Variants in PLXNA4 observed in about 807,000 individuals in gnomAD.
The protein encoded by PLXNA4 is plexin A4.
In PLXNA4, 44 loss-of-function variants were observed where a neutral mutation model predicts 191.8. That is an observed-to-expected ratio of 0.23 (90% CI 0.18 to 0.29). PLXNA4 has a LOEUF of 0.29. PLXNA4 is among the 10% of genes least tolerant of loss of function. PLXNA4 has a pLI of 1.00. For missense variants in PLXNA4, 1,800 were observed against 2,488.8 expected, an observed-to-expected ratio of 0.72 and a Z score of 5.89; for synonymous variants, 1,082 against 1,009.5, an observed-to-expected ratio of 1.07 and a Z score of -1.36.
chr7:132,487,033 A>G (rs2117513889), intron 3 of PLXNA4, among the ~76,000 whole-genome samples: 1 of 152,340 alleles, frequency 6.6e-6, no homozygotes, highest in East Asian at 1.9e-4. Context: ...CAAACAGCAC[A>G]AAAATGCAAG....
chr7:132,331,793 G>A (rs1325045844), intron 3 of PLXNA4, among the ~76,000 whole-genome samples: 1 of 152,102 alleles, frequency 6.6e-6, no homozygotes, highest in Non-Finnish European at 1.5e-5. Context: ...CAGAACCAGT[G>A]TGCCCTGTGA....
chr7:132,579,885 T>C (rs1802370432), upstream of PLXNA4, among the ~76,000 whole-genome samples: 1 of 152,142 alleles, frequency 6.6e-6, no homozygotes, highest in African/African-American at 2.4e-5. Context: ...GAGGATTTTT[T>C]TTTTTCAGTG....
intron 20 of PLXNA4, among the ~76,000 whole-genome samples, chr7:132,179,244 A>ACACACACACACACC (rs1345376319): frequency 7.7e-6 from 1 of 129,764 alleles, no homozygotes; most frequent in African/African-American, 3.9e-5. Flanking sequence ...ACACGCGCAC[A>ACACACACACACACC]CAGCCTCCAG....
intron 4 of PLXNA4, among the ~76,000 whole-genome samples, chr7:132,276,893 A>G (rs1046701980): frequency 6.6e-6 from 1 of 152,130 alleles, no homozygotes; most frequent in Non-Finnish European, 1.5e-5. Flanking sequence ...CCAGTGGGTA[A>G]TAGCATTTTC....
At chr7:132,420,513 C>G (rs1391053421) in intron 3 of PLXNA4, among the ~76,000 whole-genome samples, 1 of 152,238 alleles carries the variant, frequency 6.6e-6, no homozygotes, top group Admixed American at 6.5e-5. Context: ...CCACCTGCCC[C>G]ACAGGTGCCT....
intron 2 of PLXNA4, among the ~76,000 whole-genome samples, chr7:132,505,151 G>A (rs142043021): frequency 6.6e-6 from 1 of 152,328 alleles, no homozygotes; most frequent in East Asian, 1.9e-4. Context: ...GCTAATTAAA[G>A]CCAAAAGAAA....
intron 4 of PLXNA4, among the ~76,000 whole-genome samples, chr7:132,262,204 T>C (rs1191113397): frequency 6.6e-6 from 1 of 152,210 alleles, no homozygotes; most frequent in Non-Finnish European, 1.5e-5. Context: ...CAATAAATCA[T>C]TCTGGCTCGG....
At chr7:132,383,550 C>G (rs944367512) in intron 3 of PLXNA4, 1 of 981,756 alleles carries the variant, frequency 1.0e-6, no homozygotes, top group African/African-American at 1.8e-5. Flanking sequence ...TTCTAATTGT[C>G]TCATGCTTTT....
chr7:132,577,339 A>AACTCCAT, upstream of PLXNA4: 1 of 151,532 alleles, frequency 6.6e-6, no homozygotes, highest in East Asian at 2.0e-4. Context: ...GCGCTGCAAA[A>AACTCCAT]ACTCCAGCTG....
intron 3 of PLXNA4, among the ~76,000 whole-genome samples, chr7:132,442,794 G>A (rs1795745412): frequency 6.6e-6 from 1 of 152,152 alleles, no homozygotes; most frequent in African/African-American, 2.4e-5. Context: ...ATACCTTCTG[G>A]CCCCTGATTT....
At chr7:132,609,731 C>G (rs13230234) in intron 2 of PLXNA4, among the ~76,000 whole-genome samples, 1,545 of 152,362 alleles carry the variant, frequency 0.01, 11 homozygotes, top group Middle Eastern at 0.027. Context: ...ATTTGAACCT[C>G]TGGCTGTCTG....
intron 3 of PLXNA4, among the ~76,000 whole-genome samples, chr7:132,418,616 C>G (rs972062191): frequency 6.6e-5 from 10 of 152,216 alleles, no homozygotes; most frequent in African/African-American, 2.4e-4. Context: ...TGGGCACCGC[C>G]TGGAGAAAGG....
rs185150555 is a variant in PLXNA4, at chr7:132,322,795, T to C, written c.1372-24573A>G. 2.8e-3 allele frequency among the ~76,000 whole-genome samples: 427 copies of C among 152,316 alleles called. 1 individual carries two copies. Among genetic ancestry groups the C allele is most frequent in the Non-Finnish European group, 4.5e-3 (307 of 68,030 alleles). Reference sequence around the variant, plus strand: ...ATTTAGGAGATCATTGGGTCACTCTTTGAAACAACCAGAGATGCTCAGGAA... The same window carrying C: ...ATTTAGGAGATCATTGGGTCACTCTCTGAAACAACCAGAGATGCTCAGGAA... On this transcript the variant is annotated intron_variant, in intron 3 of 31. Coordinates refer to ENST00000321063, the MANE Select transcript of PLXNA4 (RefSeq NM_020911.2).
intron 3 of PLXNA4, among the ~76,000 whole-genome samples, chr7:132,478,609 C>A (rs1325172564): frequency 6.6e-6 from 1 of 152,152 alleles, no homozygotes; most frequent in Non-Finnish European, 1.5e-5. Flanking sequence ...TTATAAAAAA[C>A]CACGATGTAT....
intron 2 of PLXNA4, among the ~76,000 whole-genome samples, chr7:132,612,619 G>T (rs929986223): frequency 2.9e-5 from 4 of 139,360 alleles, no homozygotes; most frequent in Non-Finnish European, 6.0e-5. Flanking sequence ...AGAGGAGATT[G>T]CACCACTGTA....
At chr7:132,560,167 T>C (rs1800976321) in intron 1 of PLXNA4, among the ~76,000 whole-genome samples, 1 of 152,164 alleles carries the variant, frequency 6.6e-6, no homozygotes, top group Admixed American at 6.5e-5. Context: ...TAGCTCATGG[T>C]GGAGTTCATT....
At chr7:132,606,399 T>A (rs192565493) in intron 2 of PLXNA4, among the ~76,000 whole-genome samples, 19 of 152,330 alleles carry the variant, frequency 1.2e-4, no homozygotes, top group African/African-American at 3.8e-4. Flanking sequence ...AAAAACCTAG[T>A]TCCTTGAGCA....
chr7:132,188,439 G>T (rs1796951112), intron 14 of PLXNA4, among the ~76,000 whole-genome samples: 1 of 152,132 alleles, frequency 6.6e-6, no homozygotes, highest in Admixed American at 6.5e-5. Flanking sequence ...CCTCCTTAAA[G>T]AATTCAGCAC....
chr7:132,467,251 G>A (rs1265519988), intron 3 of PLXNA4, among the ~76,000 whole-genome samples: 3 of 152,140 alleles, frequency 2.0e-5, no homozygotes, highest in Admixed American at 6.5e-5. Context: ...AGAGGTGCGA[G>A]GGTAATTGAC....
Sources: gnomAD v4.1 joint callset for allele counts (sites outside exome capture counted in the v4.1 genomes callset) on GRCh38, gnomAD v4.1.1 for gene constraint, MANE v1.5 for transcripts, NCBI Gene and HGNC (gene_info 2026-07-23, HGNC 2026-07-21) for gene names.